Variants in NLGN1 observed in about 807,000 individuals in gnomAD.
NLGN1 encodes the protein neuroligin-1.
In NLGN1, 12 loss-of-function variants were observed where a neutral mutation model predicts 65.5. That is an observed-to-expected ratio of 0.18 (90% CI 0.12 to 0.30). The LOEUF (loss-of-function observed/expected upper bound fraction) is 0.30. Among genes scored for constraint, NLGN1 ranks in the 10% least tolerant of loss-of-function variants. The pLI, the probability that NLGN1 is intolerant of heterozygous loss-of-function variation, is 1.00. For synonymous variants in NLGN1, 350 were observed against 359.5 expected, an observed-to-expected ratio of 0.97 and a Z score of 0.30; for missense variants, 750 against 1,007.1, an observed-to-expected ratio of 0.74 and a Z score of 3.46.
At chr3:173,985,242 A>G (rs1719638174) in intron 4 of NLGN1, among the ~76,000 whole-genome samples, 1 of 152,182 alleles carries the variant, frequency 6.6e-6, no homozygotes, top group Non-Finnish European at 1.5e-5. Context: ...GAATTATGAC[A>G]ATTTGAACCT....
chr3:173,603,397 G>C (rs1750866547), intron 2 of NLGN1, among the ~76,000 whole-genome samples: 1 of 151,858 alleles, frequency 6.6e-6, no homozygotes, highest in Non-Finnish European at 1.5e-5. Flanking sequence ...CTGTGATTAG[G>C]TATGATTATT....
At chr3:173,651,214 C>G (rs1338377865) in intron 3 of NLGN1, among the ~76,000 whole-genome samples, 2 of 151,798 alleles carry the variant, frequency 1.3e-5, no homozygotes, top group African/African-American at 4.8e-5. Flanking sequence ...GTTGTTTCCT[C>G]TTAAGATAAT....
intron 4 of NLGN1, among the ~76,000 whole-genome samples, chr3:173,935,025 G>A (rs1177883582): frequency 6.6e-6 from 1 of 151,988 alleles, no homozygotes; most frequent in African/African-American, 2.4e-5. Context: ...TACAATGTCT[G>A]TCCCAGACCA....
intron 4 of NLGN1, among the ~76,000 whole-genome samples, chr3:174,148,789 C>T (rs979970034): frequency 3.9e-5 from 6 of 152,126 alleles, no homozygotes; most frequent in African/African-American, 1.4e-4. Context: ...TTAGCATTTA[C>T]TGTGTCCCTG....
At chr3:173,999,062 T>C (rs1300086559) in intron 4 of NLGN1, among the ~76,000 whole-genome samples, 1 of 152,208 alleles carries the variant, frequency 6.6e-6, no homozygotes, top group Non-Finnish European at 1.5e-5. Flanking sequence ...AGAGCATGCT[T>C]TCTCCAACTT....
chr3:174,145,443 G>A (rs1158741144), intron 4 of NLGN1, among the ~76,000 whole-genome samples: 1 of 152,040 alleles, frequency 6.6e-6, no homozygotes, highest in Non-Finnish European at 1.5e-5. Context: ...AATCCGGGAA[G>A]CAGGGGTTCC....
In NLGN1 at chr3:174,280,189, A is replaced by G. The variant is rs1242056167; in HGVS notation, c.1650-292A>G. Reference sequence around the variant, plus strand: ...TCTCTGCTAGCTTGCCTATGAGACAACTCATACGTATGTGAGTATTTAAAT... The same window carrying G: ...TCTCTGCTAGCTTGCCTATGAGACAGCTCATACGTATGTGAGTATTTAAAT... On this transcript the variant is annotated intron_variant, in intron 6 of 6. Transcript: ENST00000457714. The surrounding 1 kb of genome is among the most constrained non-coding windows in gnomAD (Gnocchi z 4.9). 2.0e-5 allele frequency among the ~76,000 whole-genome samples: 3 copies of G among 151,962 alleles called. No individual in the cohort carries two copies. Among genetic ancestry groups the G allele is most frequent in the Non-Finnish European group, 4.4e-5 (3 of 67,920 alleles).
At chr3:173,728,268 T>C (rs1055323723) in intron 3 of NLGN1, among the ~76,000 whole-genome samples, 3 of 152,058 alleles carry the variant, frequency 2.0e-5, no homozygotes, top group Non-Finnish European at 2.9e-5. Flanking sequence ...GGCAAGACTA[T>C]GAAAGTCCTA....
intron 4 of NLGN1, among the ~76,000 whole-genome samples, chr3:174,009,173 C>G (rs1725024696): frequency 6.6e-6 from 1 of 152,172 alleles, no homozygotes. Context: ...GGAGCAAGCT[C>G]TCTTAAGATT....
At chr3:174,084,421 T>A (rs974738597) in intron 4 of NLGN1, among the ~76,000 whole-genome samples, 3 of 152,072 alleles carry the variant, frequency 2.0e-5, no homozygotes, top group African/African-American at 4.8e-5. Context: ...TTTACATTTT[T>A]AAAAAAATAA....
intron 4 of NLGN1, among the ~76,000 whole-genome samples, chr3:174,182,493 A>T (rs1387839042): frequency 6.6e-6 from 1 of 152,146 alleles, no homozygotes; most frequent in East Asian, 1.9e-4. Context: ...AAAGTACATG[A>T]TGCATGCAAG....
At chr3:173,844,162 C>A (rs1188361497) in intron 4 of NLGN1, among the ~76,000 whole-genome samples, 2 of 152,112 alleles carry the variant, frequency 1.3e-5, no homozygotes, top group South Asian at 2.1e-4. Context: ...AAACCCACCC[C>A]CATAATTCAA....
chr3:174,051,544 A>G (rs1734876229), intron 4 of NLGN1, among the ~76,000 whole-genome samples: 2 of 152,056 alleles, frequency 1.3e-5, no homozygotes, highest in Admixed American at 1.3e-4. Flanking sequence ...AGCCTTATGT[A>G]TGACAATCAA....
chr3:173,878,597 CTG>C (rs1234467859), intron 4 of NLGN1, among the ~76,000 whole-genome samples: 2 of 149,936 alleles, frequency 1.3e-5, no homozygotes, highest in African/African-American at 2.5e-5. Context: ...ATGCATTTAT[CTG>C]TCTTTTATTT....
intron 3 of NLGN1, among the ~76,000 whole-genome samples, chr3:173,703,779 C>T (rs1218320364): frequency 2.0e-5 from 3 of 152,150 alleles, no homozygotes; most frequent in Admixed American, 1.3e-4. Flanking sequence ...TATTGAACCA[C>T]GCCAGAAATA....
chr3:173,674,970 GACTA>G lies in NLGN1; in HGVS notation c.493+69885_493+69888del, dbSNP rs557710535. Among the ~76,000 whole-genome samples, 850 of 151,878 alleles carry G rather than the reference GACTA, an allele frequency of 5.6e-3. 6 individuals are homozygous for G. The highest frequency in any genetic ancestry group is 7.8e-3 in the Non-Finnish European group (528 of 67,910). On this transcript the variant is annotated intron_variant, in intron 3 of 6. Coordinates refer to ENST00000457714, the Ensembl canonical transcript of NLGN1. ...TGTTTCTGTATGATAAGATTATTTT[GACTA>G]ACTAAATTTTTTTTTACTCAAATTA... is the stretch of plus-strand genomic sequence containing the variant.
At chr3:174,055,150 CTTTT>C (rs113474137) in intron 4 of NLGN1, among the ~76,000 whole-genome samples, 7 of 117,606 alleles carry the variant, frequency 6.0e-5, no homozygotes, top group African/African-American at 1.8e-4. Flanking sequence ...AAGGAGCTTG[CTTTT>C]TTTTTTTTTT....
chr3:173,688,313 A>G (rs1764972834), intron 3 of NLGN1, among the ~76,000 whole-genome samples: 1 of 152,172 alleles, frequency 6.6e-6, no homozygotes, highest in African/African-American at 2.4e-5. Flanking sequence ...TGAGGATGCA[A>G]TGGAATCCTC....
chr3:173,826,262 A>G (rs1721316568), intron 4 of NLGN1, among the ~76,000 whole-genome samples: 1 of 152,070 alleles, frequency 6.6e-6, no homozygotes, highest in Non-Finnish European at 1.5e-5. Flanking sequence ...GACTGCCTTG[A>G]TCTTAATCTT....
Sources: gnomAD v4.1 joint callset for allele counts (sites outside exome capture counted in the v4.1 genomes callset) on GRCh38, gnomAD v4.1.1 for gene constraint, Gnocchi (gnomAD v3.1) non-coding constraint, MANE v1.5 for transcripts, NCBI Gene and HGNC (gene_info 2026-07-23, HGNC 2026-07-21) for gene names.